The following PRPF31 variants were observed in gnomAD, a reference collection of about 807,000 sequenced individuals.
The protein encoded by PRPF31 is pre-mRNA processing factor 31, also known as U4/U6 small nuclear ribonucleoprotein Prp31.
In PRPF31, 12 loss-of-function variants were observed where a neutral mutation model predicts 60.4. The observed-to-expected ratio is 0.20, with a 90% CI of 0.13 to 0.32. The LOEUF (loss-of-function observed/expected upper bound fraction) is 0.32, where lower values mean the gene tolerates loss of function less well. Among genes scored for constraint, PRPF31 ranks in the 10% least tolerant of loss-of-function variants. The pLI, the probability that PRPF31 is intolerant of heterozygous loss-of-function variation, is 1.00. For missense variants in PRPF31, 431 were observed against 687.1 expected (o/e 0.63, Z 4.17); for synonymous variants, 287 against 287.9 (o/e 1.00, Z 0.03).
intron 11 of PRPF31, 31 bp downstream of exon 11, chr19:54,128,408 C>T: frequency 6.5e-7 from 1 of 1,540,088 alleles, no homozygotes; most frequent in Non-Finnish European, 8.8e-7. Context: ...TCCTCAACCC[C>T]ACAGCCAGCC....
At chr19:54,124,417 C>A in intron 7 of PRPF31, 82 bp from the exon 8 acceptor site, 1 of 1,251,756 alleles carries the variant, frequency 8.0e-7, no homozygotes. Flanking sequence ...CAGCACACGT[C>A]GAGCCCCCAG....
At chr19:54,125,910 C>A (rs1377267606) in intron 8 of PRPF31, among the ~76,000 whole-genome samples, 1 of 152,224 alleles carries the variant, frequency 6.6e-6, no homozygotes, top group Non-Finnish European at 1.5e-5. Context: ...TAAACCTGCC[C>A]CAGGGAGCCT....
chr19:54,124,484 T>G lies in PRPF31; in HGVS notation c.698-15T>G. On this transcript the variant is annotated splice_polypyrimidine_tract_variant and intron_variant, in intron 7 of 13. Transcript: ENST00000321030. ...CTTCTGACCGCCCCCCCTTCCTCCC[T>G]CCCTCCCACCGCAGGTGTGGCCGGC... 1 of 1,338,096 alleles carries G rather than the reference T, an allele frequency of 7.5e-7. No individual in the cohort carries two copies. Among genetic ancestry groups the G allele is most frequent in the Non-Finnish European group, 1.0e-6 (1 of 992,392 alleles). 82.9% of individuals were successfully genotyped at this position (1,338,096 alleles called of 1,614,324 possible).
In PRPF31 at chr19:54,129,039, G is replaced by A. The variant is rs774467725; in HGVS notation, c.1147-18G>A. 109 of 1,562,948 alleles carry A rather than the reference G, an allele frequency of 7.0e-5. No individual in the cohort carries two copies. In the East Asian group the frequency reaches 1.3e-3, roughly 19 times the overall value. Reference sequence around the variant, plus strand: ...GGGCCTGGTCGCTGAACTGCAGGGCGCCTCCTCTCCCCCCTAGATCGAGGA... The same window carrying A: ...GGGCCTGGTCGCTGAACTGCAGGGCACCTCCTCTCCCCCCTAGATCGAGGA... On this transcript the variant is annotated intron_variant, in intron 11 of 13. Coordinates refer to ENST00000321030, the MANE Select transcript of PRPF31 (RefSeq NM_015629.4).
intron 8 of PRPF31, among the ~76,000 whole-genome samples, chr19:54,125,520 C>T (rs1461748576): frequency 1.5e-4 from 23 of 149,758 alleles, no homozygotes; most frequent in Non-Finnish European, 1.3e-4. Flanking sequence ...ACAAGCAAGA[C>T]AGGTTCTGGG....
rs368797093 is a variant in PRPF31 at position 54,123,739 on chromosome 19, G to A, written c.528-10G>A. On this transcript the variant is annotated splice_polypyrimidine_tract_variant and intron_variant, in intron 6 of 13. Transcript: ENST00000321030. ...GAGACCCAGGAGGCTGGGCCCACCCGCCCCTGCAGGCAGCAGCTGTCGGAG... is the reference window on the plus strand; with the variant it reads ...GAGACCCAGGAGGCTGGGCCCACCCACCCCTGCAGGCAGCAGCTGTCGGAG... The A allele has an allele frequency of 2.9e-5, 47 of 1,605,628 alleles. No individual in the cohort carries two copies. The highest frequency in any genetic ancestry group is 1.7e-4 in the Middle Eastern group (1 of 6,018).
rs777671301 is a variant in PRPF31 at position 54,121,992 on chromosome 19, G to A, written c.322+49G>A. On this transcript the variant is annotated intron_variant, in intron 4 of 13. Coordinates refer to ENST00000321030, the MANE Select transcript of PRPF31 (RefSeq NM_015629.4). ...GACAGCCCCGTGTGACGTCCCTCACGCCCCCTCTCCCTTCCCCACTGGCCT... is the reference window on the plus strand; with the variant it reads ...GACAGCCCCGTGTGACGTCCCTCACACCCCCTCTCCCTTCCCCACTGGCCT... 1.1e-5 allele frequency: 17 copies of A among 1,545,646 alleles called. 1 individual carries two copies. The South Asian group carries it at 1.4e-4, about 13-fold the overall frequency.
chr19:54,124,281 T>C, intron 7 of PRPF31: 1 of 636,412 alleles, frequency 1.6e-6, no homozygotes, highest in Non-Finnish European at 2.7e-6. Context: ...GCCTCCTCCC[T>C]GCACCCCCAG....
Position 54,124,509 on chromosome 19 carries a change from C to A in PRPF31, c.708C>A (p.Gly236=), listed in dbSNP as rs370829672. The change falls in exon 8 of 14, where the codon GGC becomes GGA. Residue 236 remains glycine (G), a synonymous_variant. Transcript: ENST00000321030. ...STAAKIMGVA[G]GLTNLSKMPA... ...TCCCTCCCACCGCAGGTGTGGCCGG[C>A]GGCCTGACCAACCTCTCCAAGATGC... The A allele has an allele frequency of 6.2e-7, 1 of 1,605,116 alleles. No individual in the cohort carries two copies. The highest frequency in any genetic ancestry group is 1.7e-5 in the Admixed American group (1 of 59,978).
chr19:54,128,009 CAGA>C, intron 9 of PRPF31, 61 bp from the exon 10 acceptor site: 1 of 1,547,534 alleles, frequency 6.5e-7, no homozygotes, highest in Non-Finnish European at 8.7e-7. Context: ...GGGGCCCGCT[CAGA>C]GGAGGCCTGG....
intron 9 of PRPF31, among the ~76,000 whole-genome samples, chr19:54,127,164 G>A (rs1161037237): frequency 6.6e-6 from 1 of 152,200 alleles, no homozygotes; most frequent in Non-Finnish European, 1.5e-5. Flanking sequence ...CTGTGGTCCT[G>A]TAGGTCAGAA....
chr19:54,124,882 C>G lies in PRPF31; in HGVS notation c.855+226C>G, dbSNP rs2073882263. 8 of 609,952 alleles carry G rather than the reference C, an allele frequency of 1.3e-5. No individual in the cohort carries two copies. In the South Asian group the frequency reaches 1.5e-4, roughly 12 times the overall value. 37.8% of individuals were successfully genotyped at this position (609,952 alleles called of 1,614,324 possible). A position where few individuals can be genotyped will look rare whatever the true frequency, so the allele number is the denominator to read the frequency against. On this transcript the variant is annotated intron_variant, in intron 8 of 13. Transcript: ENST00000321030. ...AGGCATGAGCGCCCTGTGCCTCAGTCTCCTCCCCTATCAAATGGGAGCACA... is the reference window on the plus strand; with the variant it reads ...AGGCATGAGCGCCCTGTGCCTCAGTGTCCTCCCCTATCAAATGGGAGCACA...
intron 9 of PRPF31, among the ~76,000 whole-genome samples, chr19:54,126,860 G>A (rs1214790514): frequency 6.6e-6 from 1 of 152,250 alleles, no homozygotes; most frequent in Admixed American, 6.5e-5. Flanking sequence ...GCCGGGTGCA[G>A]TAGCTCACGC....
intron 13 of PRPF31, among the ~76,000 whole-genome samples, chr19:54,129,723 T>C (rs935615325): frequency 3.4e-5 from 5 of 146,692 alleles, no homozygotes; most frequent in African/African-American, 1.3e-4. Flanking sequence ...AGGACCCCAC[T>C]CGAGAAAGTT....
chr19:54,127,602 C>CCAT (rs2073950756), intron 9 of PRPF31, among the ~76,000 whole-genome samples: 1 of 152,206 alleles, frequency 6.6e-6, no homozygotes, highest in African/African-American at 2.4e-5. Flanking sequence ...CAGGATCTGT[C>CCAT]CCCGCTGCAA....
At chr19:54,124,974 C>T in intron 8 of PRPF31, 1 of 515,514 alleles carries the variant, frequency 1.9e-6, no homozygotes, top group Non-Finnish European at 3.5e-6. Flanking sequence ...AGGCCTAGCT[C>T]ACGACAAGCA....
intron 11 of PRPF31, 52 bp downstream of exon 11, chr19:54,128,429 G>A (rs1168661064): frequency 1.6e-5 from 24 of 1,501,998 alleles, no homozygotes; most frequent in African/African-American, 7.0e-5. Context: ...AGCCGCCACC[G>A]CCCTCTGCCT....
Position 54,122,605 on chromosome 19 carries a change from A to G in PRPF31, c.420+11A>G, listed in dbSNP as rs371910233. 7.0e-5 allele frequency: 112 copies of G among 1,611,448 alleles called. No homozygotes were observed. Among genetic ancestry groups the G allele is most frequent in the Non-Finnish European group, 9.3e-5 (109 of 1,177,652 alleles). On this transcript the variant is annotated intron_variant, in intron 5 of 13. Transcript: ENST00000321030. ...ATCCGCACGGTCAAGGTGAGCGCAG[A>G]GAAGGTGGGGTGCTTCTGCTGGCGT...
At chr19:54,121,652 G>T (rs1423272073) in intron 3 of PRPF31, among the ~76,000 whole-genome samples, 1 of 152,138 alleles carries the variant, frequency 6.6e-6, no homozygotes, top group Non-Finnish European at 1.5e-5. Context: ...GGGTAGATGG[G>T]GTCAAGTCTA....
Sources: allele counts gnomAD v4.1 joint callset (sites outside exome capture counted in the v4.1 genomes callset), GRCh38; gene constraint gnomAD v4.1.1; transcripts MANE v1.5; gene names NCBI Gene and HGNC (gene_info 2026-07-23, HGNC 2026-07-21).